Variants in DGKI observed in about 807,000 individuals in gnomAD.
The protein encoded by DGKI is diacylglycerol kinase iota, also known as DAG kinase iota.
A neutral mutation model predicts 147.5 loss-of-function variants in DGKI; 55 were observed. The observed-to-expected ratio is 0.37, with a 90% CI of 0.30 to 0.47. The LOEUF (loss-of-function observed/expected upper bound fraction) is 0.47. DGKI is among the 20% of genes least tolerant of loss of function. The probability of loss-of-function intolerance (pLI) is 1.00; values close to 1 mark genes in which losing one functional copy is unlikely to be tolerated. For missense variants in DGKI, 1,007 were observed against 1,323.8 expected (o/e 0.76, Z 3.71); for synonymous variants, 469 against 477.1 (o/e 0.98, Z 0.22).
chr7:137,842,313 G>A (rs192072062), intron 1 of DGKI, among the ~76,000 whole-genome samples: 1 of 152,220 alleles, frequency 6.6e-6, no homozygotes, highest in African/African-American at 2.4e-5. Flanking sequence ...ACCTTACTTT[G>A]TGGGACAAAA....
chr7:137,613,006 C>A (rs1820417705), intron 8 of DGKI, among the ~76,000 whole-genome samples: 1 of 152,122 alleles, frequency 6.6e-6, no homozygotes, highest in African/African-American at 2.4e-5. Context: ...TACCTTGCCA[C>A]AGAAATAATC....
intron 2 of DGKI, among the ~76,000 whole-genome samples, chr7:137,686,588 G>T (rs1284536586): frequency 1.3e-5 from 2 of 152,190 alleles, no homozygotes; most frequent in Non-Finnish European, 2.9e-5. Context: ...AACTAAGAGA[G>T]AGAGACTGTA....
At chr7:137,419,637 C>A (rs1812485112) in intron 28 of DGKI, among the ~76,000 whole-genome samples, 1 of 152,046 alleles carries the variant, frequency 6.6e-6, no homozygotes, top group Non-Finnish European at 1.5e-5. Flanking sequence ...GCTAATGAGG[C>A]ATAAATGGGA....
In DGKI at chr7:137,619,942, T is replaced by C; in HGVS notation, c.877-2A>G. On this transcript the variant is annotated splice_acceptor_variant, in intron 7 of 32. Transcript: ENST00000614521. LOFTEE classifies it high-confidence loss of function. ...GAAGCAGGTCACCTTATTGTGAAAC[T>C]GAAGAGAAAAATAAGCCAGTAAACA... is the stretch of plus-strand genomic sequence containing the variant. 6.2e-7 allele frequency: 1 copy of C among 1,610,338 alleles called. No homozygotes were observed. Among genetic ancestry groups the C allele is most frequent in the South Asian group, 1.1e-5 (1 of 90,860 alleles).
chr7:137,638,876 CTT>C (rs531507359), intron 6 of DGKI, among the ~76,000 whole-genome samples: 4 of 151,574 alleles, frequency 2.6e-5, no homozygotes, highest in Non-Finnish European at 5.9e-5. Flanking sequence ...TAATTTCTCT[CTT>C]AAAAAATACT....
chr7:137,781,830 G>A lies in DGKI; in HGVS notation c.401+64632C>T, dbSNP rs555636033. ...TTTAAAGAATAAATGGAGGGAGAAG[G>A]CAAAGCTGTTTGATGATGGCATCCT... is the stretch of plus-strand genomic sequence containing the variant. On this transcript the variant is annotated intron_variant, in intron 1 of 32. Transcript: ENST00000614521. Among the ~76,000 whole-genome samples, 4 of 152,316 alleles carry A rather than the reference G, an allele frequency of 2.6e-5. No individual in the cohort carries two copies. The South Asian group carries it at 6.2e-4, about 24-fold the overall frequency.
At chr7:137,578,910 G>A (rs1025614956) in intron 15 of DGKI, among the ~76,000 whole-genome samples, 1 of 152,190 alleles carries the variant, frequency 6.6e-6, no homozygotes, top group Non-Finnish European at 1.5e-5. Context: ...ATTAATGCCA[G>A]TTTAATTATT....
intron 27 of DGKI, among the ~76,000 whole-genome samples, chr7:137,448,785 A>G (rs1248338009): frequency 6.6e-6 from 1 of 152,072 alleles, no homozygotes; most frequent in African/African-American, 2.4e-5. Flanking sequence ...TGTGAAATGT[A>G]AACTTAAAGA....
chr7:137,793,547 C>T (rs1585500560), intron 1 of DGKI, among the ~76,000 whole-genome samples: 2 of 152,258 alleles, frequency 1.3e-5, no homozygotes, highest in African/African-American at 4.8e-5. Context: ...GTGATCCACC[C>T]GCCTTGGCCT....
intron 1 of DGKI, among the ~76,000 whole-genome samples, chr7:137,835,893 C>T (rs1318079913): frequency 6.6e-6 from 1 of 152,212 alleles, no homozygotes; most frequent in Non-Finnish European, 1.5e-5. Flanking sequence ...CTGAACCTGG[C>T]AATGTCCCTT....
chr7:137,437,265 C>A (rs1813322360), intron 28 of DGKI, among the ~76,000 whole-genome samples: 1 of 152,100 alleles, frequency 6.6e-6, no homozygotes, highest in African/African-American at 2.4e-5. Flanking sequence ...CAAAAAGACG[C>A]TTCAGATAAG....
chr7:137,489,976 A>T (rs1815704138), intron 21 of DGKI, among the ~76,000 whole-genome samples: 1 of 152,166 alleles, frequency 6.6e-6, no homozygotes, highest in Admixed American at 6.5e-5. Context: ...AATAGCTAAA[A>T]AGAAGTTTTC....
At chr7:137,670,069 A>G (rs1585351403) in intron 3 of DGKI, among the ~76,000 whole-genome samples, 1 of 152,174 alleles carries the variant, frequency 6.6e-6, no homozygotes, top group East Asian at 1.9e-4. Context: ...CACAGGACCT[A>G]TTTGCATATT....
intron 1 of DGKI, among the ~76,000 whole-genome samples, chr7:137,792,122 G>A (rs762551737): frequency 6.6e-6 from 1 of 152,130 alleles, no homozygotes. Context: ...CACAAATGTC[G>A]ACTGAGCACC....
intron 21 of DGKI, among the ~76,000 whole-genome samples, chr7:137,504,255 A>T (rs1390895366): frequency 1.3e-5 from 2 of 152,214 alleles, no homozygotes; most frequent in Non-Finnish European, 2.9e-5. Context: ...TTTTTTTAAA[A>T]AGATTTAATT....
intron 1 of DGKI, among the ~76,000 whole-genome samples, chr7:137,782,957 G>T (rs1423053753): frequency 1.3e-5 from 2 of 152,190 alleles, no homozygotes; most frequent in African/African-American, 4.8e-5. Flanking sequence ...GGAGCACCCC[G>T]TGGGACAAAT....
rs1398713359 is a variant in DGKI at position 137,770,777 on chromosome 7, C to T, written c.401+75685G>A. ...CTCGATCTCCTGACCTCGTGATCCGCCCGCCTCGGCCTCCCAAAGTGCTGG... is the reference window on the plus strand; with the variant it reads ...CTCGATCTCCTGACCTCGTGATCCGTCCGCCTCGGCCTCCCAAAGTGCTGG... On this transcript the variant is annotated intron_variant, in intron 1 of 32. Coordinates refer to ENST00000614521, the MANE Select transcript of DGKI (RefSeq NM_001321708.2). Among the ~76,000 whole-genome samples, 2 of 135,792 alleles carry T rather than the reference C, an allele frequency of 1.5e-5. 1 individual carries two copies. Among genetic ancestry groups the T allele is most frequent in the Non-Finnish European group, 3.1e-5 (2 of 65,446 alleles). 89.1% of individuals were successfully genotyped at this position (135,792 alleles called of 152,430 possible).
chr7:137,581,911 G>A lies in DGKI; in HGVS notation c.1581C>T (p.Phe527=). 5 of 1,613,388 alleles carry A rather than the reference G, an allele frequency of 3.1e-6. No individual in the cohort carries two copies. Among genetic ancestry groups the A allele is most frequent in the Non-Finnish European group, 4.2e-6 (5 of 1,179,484 alleles). ...DGVCKLPLNV[F]NNYFSLGFDA... is the part of the protein sequence containing the mutation. ...CAAATCCAAGGCTGAAGTAGTTATT[G>A]AAAACATTCAGAGGGAGCTGCAATG... The change falls in exon 15 of 33, where the codon TTC becomes TTT. Residue 527 remains phenylalanine, a synonymous_variant. Transcript: ENST00000614521.
rs1006153122 is a variant in DGKI, at chr7:137,382,737, T to C, written c.*8483A>G. The C allele has an allele frequency of 2.0e-5, 3 of 152,076 alleles. No individual in the cohort carries two copies. Among genetic ancestry groups the C allele is most frequent in the African/African-American group, 7.2e-5 (3 of 41,424 alleles). 9.4% of individuals were successfully genotyped at this position (152,076 alleles called of 1,614,324 possible). A position where few individuals can be genotyped will look rare whatever the true frequency, so the allele number is the denominator to read the frequency against. Reference sequence around the variant, plus strand: ...TCCTCACAACTCTGCCCCTCTTTTATGCCCCCAAACCAGAGGCAAGAAGTA... The same window carrying C: ...TCCTCACAACTCTGCCCCTCTTTTACGCCCCCAAACCAGAGGCAAGAAGTA... On this transcript the variant is annotated 3_prime_UTR_variant, in exon 33 of 33. Transcript: ENST00000614521.
Sources: gnomAD v4.1 joint callset for allele counts (sites outside exome capture counted in the v4.1 genomes callset) on GRCh38, gnomAD v4.1.1 for gene constraint, MANE v1.5 for transcripts, NCBI Gene and HGNC (gene_info 2026-07-23, HGNC 2026-07-21) for gene names.